RPGRIP1L: variants seen among roughly 807,000 people sequenced by gnomAD.
The protein encoded by RPGRIP1L is RPGRIP1 like, also known as protein fantom.
Under a neutral mutation model 160.4 loss-of-function variants are expected in RPGRIP1L, and 131 were observed. The observed-to-expected ratio is 0.82, with a 90% CI of 0.71 to 0.94. The LOEUF (loss-of-function observed/expected upper bound fraction) is 0.94, where lower values mean the gene tolerates loss of function less well. Ranked by LOEUF, RPGRIP1L falls within the 40% of genes least tolerant of loss-of-function variation. The pLI is 0.00. For synonymous variants in RPGRIP1L, 510 were observed against 515.8 expected, an observed-to-expected ratio of 0.99 and a Z score of 0.15; for missense variants, 1,522 against 1,535.8, an observed-to-expected ratio of 0.99 and a Z score of 0.15.
At chr16:53,660,662 G>A (rs1335198810) in intron 10 of RPGRIP1L, among the ~76,000 whole-genome samples, 4 of 152,046 alleles carry the variant, frequency 2.6e-5, no homozygotes, top group Admixed American at 1.3e-4. Flanking sequence ...TTGGGAGGCT[G>A]AGGCAGGTGG....
rs912338713 is a variant in RPGRIP1L at position 53,664,813 on chromosome 16, C to A, written c.1243+57G>T. On this transcript the variant is annotated intron_variant, in intron 10 of 26. Transcript: ENST00000647211. ...GCACCAGAGTAAGTACTGACTGATTCAATGAAGAAACATTAGATGTCTGAA... is the reference window on the plus strand; with the variant it reads ...GCACCAGAGTAAGTACTGACTGATTAAATGAAGAAACATTAGATGTCTGAA... The A allele has an allele frequency of 5.1e-6, 8 of 1,582,004 alleles. No individual in the cohort carries two copies. The African/African-American group carries it at 1.1e-4, about 21-fold the overall frequency.
At chr16:53,629,026 G>A (rs1252528191) in intron 22 of RPGRIP1L, among the ~76,000 whole-genome samples, 1 of 152,066 alleles carries the variant, frequency 6.6e-6, no homozygotes, top group Non-Finnish European at 1.5e-5. Context: ...ATACAAACCT[G>A]AGGGATATGA....
In RPGRIP1L at chr16:53,700,715, A is replaced by G. The variant is rs1971333002; in HGVS notation, c.9T>C (p.Gly3=). 6.2e-7 allele frequency: 1 copy of G among 1,612,812 alleles called. No homozygotes were observed. The highest frequency in any genetic ancestry group is 8.5e-7 in the Non-Finnish European group (1 of 1,179,236). ...AGTCTCCTGCAGTCTCATCAGTTGG[A>G]CCAGACATGGCCTAGCTGTGGAAAA... MS[G]PTDETAGDLP... The change falls in exon 2 of 27, where the codon GGT becomes GGC. Residue 3 remains glycine, a synonymous_variant. Transcript: ENST00000647211.
chr16:53,686,432 C>G lies in RPGRIP1L; in HGVS notation c.776+1G>C. 1 of 1,612,584 alleles carries G rather than the reference C, an allele frequency of 6.2e-7. No homozygotes were observed. The highest frequency in any genetic ancestry group is 1.1e-5 in the South Asian group (1 of 91,034). On this transcript the variant is annotated splice_donor_variant, in intron 6 of 26. Coordinates refer to ENST00000647211, the MANE Select transcript of RPGRIP1L (RefSeq NM_015272.5). LOFTEE classifies it high-confidence loss of function. ...AAAGTGATATTTCTGTTTTAACATA[C>G]CTTTGATCTGTAGCTTGCTGTTCTC...
intron 22 of RPGRIP1L, among the ~76,000 whole-genome samples, chr16:53,630,494 CA>C (rs1447291308): frequency 3.3e-5 from 5 of 151,428 alleles, no homozygotes; most frequent in Non-Finnish European, 7.4e-5. Context: ...TTTGTATTAG[CA>C]AAAAATCATA....
chr16:53,695,054 T>C (rs1053492434), intron 3 of RPGRIP1L: 20 of 391,108 alleles, frequency 5.1e-5, no homozygotes, highest in Admixed American at 1.2e-4. Context: ...TCAGTCCTTT[T>C]CCCATTAAAC....
intron 6 of RPGRIP1L, among the ~76,000 whole-genome samples, chr16:53,684,707 GT>G (rs1036769794): frequency 6.6e-6 from 1 of 151,344 alleles, no homozygotes; most frequent in Non-Finnish European, 1.5e-5. Flanking sequence ...AAACCTGCAC[GT>G]TGTGCACATG....
intron 25 of RPGRIP1L, among the ~76,000 whole-genome samples, chr16:53,610,292 T>A (rs1963945239): frequency 6.6e-6 from 1 of 152,070 alleles, no homozygotes; most frequent in African/African-American, 2.4e-5. Context: ...TTGCAAGGTA[T>A]CCTATTTAAA....
At chr16:53,655,431 G>A (rs1362017406) in intron 14 of RPGRIP1L, 2 of 151,776 alleles carry the variant, frequency 1.3e-5, no homozygotes, top group Admixed American at 6.6e-5. Flanking sequence ...TTTTAAGAGT[G>A]TAAAATTACT....
intron 26 of RPGRIP1L, among the ~76,000 whole-genome samples, chr16:53,604,747 A>G (rs16952373): frequency 1.1e-3 from 170 of 152,334 alleles, no homozygotes; most frequent in African/African-American, 3.9e-3. Flanking sequence ...AGCCTTGAGA[A>G]AGACATTATC....
Position 53,658,788 on chromosome 16 carries a change from A to G in RPGRIP1L, c.1334T>C (p.Ile445Thr). 1 of 1,599,564 alleles carries G rather than the reference A, an allele frequency of 6.3e-7. No individual in the cohort carries two copies. ...ATAATTCACCTGGTTGTACAATTTT[A>G]TGCGTTTTTTAAGTTCATCAAGTTG... The part of the protein sequence containing the change: ...KQQLDELKKR[I>T]KLYNQENDIN... Residue 445 changes from isoleucine (I) to threonine (T), a missense_variant, in exon 11 of 27, where the codon ATA (isoleucine) becomes ACA (threonine). Physicochemically the swap from Ile to Thr is moderately conservative, Grantham distance 89. Transcript: ENST00000647211.
chr16:53,641,217 G>A, intron 18 of RPGRIP1L, 68 bp downstream of exon 18: 3 of 1,526,686 alleles, frequency 2.0e-6, no homozygotes, highest in East Asian at 2.3e-5. Context: ...GGGGGTGGCA[G>A]CTTAGTTCTT....
Position 53,652,754 on chromosome 16 carries a change from T to G in RPGRIP1L, c.1933A>C (p.Thr645Pro), listed in dbSNP as rs1241919236. ...YAFYDFELQT[T>P]PVVRGLHPEY... ...GGATGAAGGCCTCGCACTACGGGAGTTGTCTGTAGTTCAAAATCATAGAAA... is the reference window on the plus strand; with the variant it reads ...GGATGAAGGCCTCGCACTACGGGAGGTGTCTGTAGTTCAAAATCATAGAAA... Residue 645 changes from threonine to proline, a missense_variant, in exon 15 of 27, where the codon ACT (threonine) becomes CCT (proline). Coordinates refer to ENST00000647211, the MANE Select transcript of RPGRIP1L (RefSeq NM_015272.5). The G allele has an allele frequency of 2.5e-6, 4 of 1,613,624 alleles. No individual in the cohort carries two copies. Among genetic ancestry groups the G allele is most frequent in the Non-Finnish European group, 3.4e-6 (4 of 1,179,796 alleles).
At chr16:53,641,561 T>C (rs898083148) in intron 17 of RPGRIP1L, 86 bp from the exon 18 acceptor site, 4 of 1,185,522 alleles carry the variant, frequency 3.4e-6, no homozygotes, top group African/African-American at 3.0e-5. Flanking sequence ...CTCCCTACTT[T>C]AAGAGACTCA....
At chr16:53,668,079 A>T (rs1485060349) in intron 9 of RPGRIP1L, among the ~76,000 whole-genome samples, 11 of 147,164 alleles carry the variant, frequency 7.5e-5, no homozygotes, top group African/African-American at 2.8e-4. Context: ...TTTTTTTTTT[A>T]AATCATAGGT....
At chr16:53,659,941 G>C (rs1431592943) in intron 10 of RPGRIP1L, 1 of 151,942 alleles carries the variant, frequency 6.6e-6, no homozygotes, top group African/African-American at 2.4e-5. Flanking sequence ...TAATCAGTCG[G>C]AATGGACTTG....
At position 53,686,462 on chromosome 16, in the gene RPGRIP1L, C is replaced by T; in HGVS notation, c.747G>A (p.Gln249=). 1 of 1,613,522 alleles carries T rather than the reference C, an allele frequency of 6.2e-7. No individual in the cohort carries two copies. The highest frequency in any genetic ancestry group is 1.3e-5 in the African/African-American group (1 of 74,996). ...KENEIELSLL[Q]LREQQATDQR... ...GATCTGTAGCTTGCTGTTCTCGAAG[C>T]TGAAGAAGAGATAACTCAATTTCAT... The change falls in exon 6 of 27, where the codon CAG becomes CAA. Residue 249 remains glutamine, a synonymous_variant. Coordinates refer to ENST00000647211, the MANE Select transcript of RPGRIP1L (RefSeq NM_015272.5).
chr16:53,687,652 A>T (rs1427530369), intron 5 of RPGRIP1L, among the ~76,000 whole-genome samples: 4 of 152,164 alleles, frequency 2.6e-5, no homozygotes, highest in African/African-American at 9.6e-5. Context: ...GAAGACTATT[A>T]CATAAATCCT....
chr16:53,657,165 G>A lies in RPGRIP1L; in HGVS notation c.1581+288C>T, dbSNP rs147204871. On this transcript the variant is annotated intron_variant, in intron 13 of 26. Transcript: ENST00000647211. ...TGAGGCAAGAGAATCACTTGAACCT[G>A]GGAGGCGGAGGTTGCAGTGAGCCAC... Among the ~76,000 whole-genome samples the A allele has an allele frequency of 3.3e-5, 5 of 152,122 alleles. No homozygotes were observed. The East Asian group carries it at 9.7e-4, about 29-fold the overall frequency.
Sources: gnomAD v4.1 joint callset for allele counts (sites outside exome capture counted in the v4.1 genomes callset) on GRCh38, gnomAD v4.1.1 for gene constraint, MANE v1.5 for transcripts, NCBI Gene and HGNC (gene_info 2026-07-23, HGNC 2026-07-21) for gene names.